Variants in ERC1 observed in about 807,000 individuals in gnomAD.
The protein encoded by ERC1 is ELKS/RAB6-interacting/CAST family member 1.
Under a neutral mutation model 132.0 loss-of-function variants are expected in ERC1, and 56 were observed. That is an observed-to-expected ratio of 0.42 (90% CI 0.34 to 0.53). ERC1 has a LOEUF of 0.53. ERC1 is among the 20% of genes least tolerant of loss of function. ERC1 has a pLI of 0.03. For synonymous variants in ERC1, 478 were observed against 476.1 expected, an observed-to-expected ratio of 1.00 and a Z score of -0.05; for missense variants, 1,202 against 1,349.9, an observed-to-expected ratio of 0.89 and a Z score of 1.72.
At position 1,130,916 on chromosome 12, in the gene ERC1, T is replaced by C. The variant is rs149095949; in HGVS notation, c.1570-10704T>C. On this transcript the variant is annotated intron_variant, in intron 7 of 18. Transcript: ENST00000360905. ...TTAGAGTGGACTTGAGCAAGTTACTTAATTAGTTTGGGCCTTGATTTTTCT... is the reference window on the plus strand; with the variant it reads ...TTAGAGTGGACTTGAGCAAGTTACTCAATTAGTTTGGGCCTTGATTTTTCT... Among the ~76,000 whole-genome samples the C allele has an allele frequency of 1.6e-3, 237 of 152,270 alleles. 5 individuals carry two copies. The East Asian group carries it at 0.036, about 23-fold the overall frequency.
At chr12:1,346,668 C>T (rs561703293) in intron 15 of ERC1, among the ~76,000 whole-genome samples, 12 of 152,180 alleles carry the variant, frequency 7.9e-5, no homozygotes, top group East Asian at 7.7e-4. Context: ...TTCGGCCGGG[C>T]GCGGTGGCTC....
chr12:1,455,579 G>A (rs979483771), intron 18 of ERC1, among the ~76,000 whole-genome samples: 2 of 152,160 alleles, frequency 1.3e-5, no homozygotes, highest in Admixed American at 6.6e-5. Flanking sequence ...CCGTCTGTGG[G>A]ACAGGAAGCC....
chr12:1,209,203 A>T (rs987093285), intron 12 of ERC1, among the ~76,000 whole-genome samples: 2 of 152,000 alleles, frequency 1.3e-5, no homozygotes, highest in Non-Finnish European at 2.9e-5. Flanking sequence ...TCCTGACCTC[A>T]GATGATCCAC....
At chr12:1,322,505 A>G (rs1194404972) in intron 15 of ERC1, among the ~76,000 whole-genome samples, 1 of 152,204 alleles carries the variant, frequency 6.6e-6, no homozygotes, top group Admixed American at 6.5e-5. Flanking sequence ...AACAACTATC[A>G]GTTTGTCTTC....
At position 1,042,353 on chromosome 12, in the gene ERC1, T is replaced by TC. The variant is rs1277125778; in HGVS notation, c.669+13781_669+13782insC. ...CGCCCGGCCTGTTTTTTTTTTTTTT[T>TC]TTTCTTTTTTTGAAATGGAGTTTAG... On this transcript the variant is annotated intron_variant, in intron 2 of 18. Transcript: ENST00000360905. Among the ~76,000 whole-genome samples, 421 of 143,666 alleles carry TC rather than the reference T, an allele frequency of 2.9e-3. 1 individual carries two copies. The highest frequency in any genetic ancestry group is 0.011 in the African/African-American group (405 of 38,212). 94.3% of individuals were successfully genotyped at this position (143,666 alleles called of 152,430 possible).
At chr12:1,184,146 A>G (rs958188044) in intron 11 of ERC1, among the ~76,000 whole-genome samples, 9 of 123,334 alleles carry the variant, frequency 7.3e-5, no homozygotes, top group Non-Finnish European at 1.4e-4. Context: ...ACAAAAAAAA[A>G]AAAAAAGAAA....
At chr12:1,281,783 G>T (rs953713713) in intron 14 of ERC1, among the ~76,000 whole-genome samples, 5 of 152,130 alleles carry the variant, frequency 3.3e-5, no homozygotes, top group Non-Finnish European at 2.9e-5. Flanking sequence ...ATTAATTCAG[G>T]TATTTATTTT....
At chr12:1,069,370 T>C (rs1939895255) in intron 2 of ERC1, among the ~76,000 whole-genome samples, 1 of 152,168 alleles carries the variant, frequency 6.6e-6, no homozygotes, top group Non-Finnish European at 1.5e-5. Flanking sequence ...GGAGGCACAC[T>C]CTGCTACCCA....
At chr12:1,100,792 G>C (rs1458080961) in intron 3 of ERC1, among the ~76,000 whole-genome samples, 1 of 152,158 alleles carries the variant, frequency 6.6e-6, no homozygotes, top group Admixed American at 6.5e-5. Context: ...GTACATACGA[G>C]TATGGATTTC....
At chr12:1,435,082 G>A (rs1033675461) in intron 17 of ERC1, among the ~76,000 whole-genome samples, 1 of 152,168 alleles carries the variant, frequency 6.6e-6, no homozygotes, top group African/African-American at 2.4e-5. Flanking sequence ...TACTCCCAAG[G>A]TGAGAGGGTT....
rs981670991 is a variant in ERC1 at position 1,344,921 on chromosome 12, C to A, written c.2781-26912C>A. ...CTTTTTCTTGTGTATTTTAGTGCTC[C>A]TTCAGTCACTTATATGATTTACTTA... On this transcript the variant is annotated intron_variant, in intron 15 of 18. Coordinates refer to ENST00000360905, the MANE Select transcript of ERC1 (RefSeq NM_178040.4). Among the ~76,000 whole-genome samples the A allele has an allele frequency of 2.6e-5, 4 of 152,180 alleles. No individual in the cohort carries two copies. The East Asian group carries it at 7.7e-4, about 29-fold the overall frequency.
intron 7 of ERC1, among the ~76,000 whole-genome samples, chr12:1,127,296 A>G (rs1948294593): frequency 6.6e-6 from 1 of 152,176 alleles, no homozygotes; most frequent in South Asian, 2.1e-4. Context: ...ATTTCCCAGA[A>G]AAACTTTCCT....
intron 18 of ERC1, among the ~76,000 whole-genome samples, chr12:1,467,011 A>G (rs2093756393): frequency 6.6e-6 from 1 of 152,228 alleles, no homozygotes; most frequent in African/African-American, 2.4e-5. Flanking sequence ...AAGATAACAG[A>G]TCTTGCTGTA....
intron 1 of ERC1, among the ~76,000 whole-genome samples, chr12:1,011,738 A>G (rs1964712732): frequency 6.6e-6 from 1 of 152,164 alleles, no homozygotes; most frequent in Admixed American, 6.6e-5. Context: ...GTTCAAGACC[A>G]GCCTGGCTGG....
intron 8 of ERC1, among the ~76,000 whole-genome samples, chr12:1,156,278 G>A (rs373384293): frequency 1.3e-5 from 2 of 151,314 alleles, no homozygotes; most frequent in Non-Finnish European, 1.5e-5. Flanking sequence ...TCACTCTGTC[G>A]CCCAGGCTGG....
intron 16 of ERC1, among the ~76,000 whole-genome samples, chr12:1,404,830 T>C (rs1409259143): frequency 6.6e-6 from 1 of 152,070 alleles, no homozygotes; most frequent in Non-Finnish European, 1.5e-5. Flanking sequence ...AATCAAAGGT[T>C]AAGTTTCAAC....
intron 15 of ERC1, among the ~76,000 whole-genome samples, chr12:1,328,158 T>A (rs2082594767): frequency 1.3e-5 from 2 of 152,156 alleles, no homozygotes; most frequent in African/African-American, 4.8e-5. Flanking sequence ...TGTTTGTTTT[T>A]CCTTTGGAGA....
chr12:1,018,862 G>C (rs1381979516), intron 1 of ERC1, among the ~76,000 whole-genome samples: 1 of 152,190 alleles, frequency 6.6e-6, no homozygotes. Context: ...CCTCAGAGGA[G>C]CACCTAAATT....
At chr12:1,122,649 A>G (rs376529053) in intron 7 of ERC1, among the ~76,000 whole-genome samples, 1 of 149,566 alleles carries the variant, frequency 6.7e-6, no homozygotes, top group African/African-American at 2.6e-5. Flanking sequence ...CTCTATCTCT[A>G]TCTCTATCTC....
Sources: allele counts gnomAD v4.1 joint callset (sites outside exome capture counted in the v4.1 genomes callset), GRCh38; gene constraint gnomAD v4.1.1; transcripts MANE v1.5; gene names NCBI Gene and HGNC (gene_info 2026-07-23, HGNC 2026-07-21).